Variants in CDH13 observed in about 807,000 individuals in gnomAD.
CDH13 encodes cadherin 13.
Under a neutral mutation model 63.8 loss-of-function variants are expected in CDH13, and 24 were observed. That is an observed-to-expected ratio of 0.38 (90% CI 0.27 to 0.53). CDH13 has a LOEUF of 0.53. CDH13 is among the 20% of genes least tolerant of loss of function. CDH13 has a pLI of 0.85. For synonymous variants in CDH13, 503 were observed against 355.3 expected, an observed-to-expected ratio of 1.42 and a Z score of -4.67; for missense variants, 1,049 against 903.1, an observed-to-expected ratio of 1.16 and a Z score of -2.07.
rs548539310 is a variant in CDH13 at position 83,258,397 on chromosome 16, C to A, written c.636+40900C>A. On this transcript the variant is annotated intron_variant, in intron 5 of 13. Coordinates refer to ENST00000567109, the MANE Select transcript of CDH13 (RefSeq NM_001257.5). ...TAATGTATGCAATAAAAATTAGACTCAAAGATATCTAGTGATGTTTAGCCA... is the reference window on the plus strand; with the variant it reads ...TAATGTATGCAATAAAAATTAGACTAAAAGATATCTAGTGATGTTTAGCCA... Among the ~76,000 whole-genome samples, 24 of 152,256 alleles carry A rather than the reference C, an allele frequency of 1.6e-4. No homozygotes were observed. The South Asian group carries it at 5.0e-3, about 32-fold the overall frequency.
chr16:83,055,322 A>G (rs1481015564), intron 3 of CDH13, among the ~76,000 whole-genome samples: 1 of 151,960 alleles, frequency 6.6e-6, no homozygotes, highest in Admixed American at 6.6e-5. Flanking sequence ...ATAAGTCAAT[A>G]AAGTTTGTTC....
At chr16:83,782,426 G>A (rs1915590267) in intron 12 of CDH13, among the ~76,000 whole-genome samples, 1 of 147,292 alleles carries the variant, frequency 6.8e-6, no homozygotes, top group East Asian at 2.0e-4. Flanking sequence ...GCTGTGGACA[G>A]AGGATTGATC....
At chr16:83,074,518 T>G (rs889868459) in intron 3 of CDH13, among the ~76,000 whole-genome samples, 14 of 152,182 alleles carry the variant, frequency 9.2e-5, no homozygotes, top group African/African-American at 3.4e-4. Flanking sequence ...TACCAAGTAG[T>G]GGGATTGCTG....
chr16:83,141,731 T>C (rs939316712), intron 4 of CDH13, among the ~76,000 whole-genome samples: 2 of 152,200 alleles, frequency 1.3e-5, no homozygotes, highest in Non-Finnish European at 2.9e-5. Flanking sequence ...TGTGTTCTCA[T>C]TGTTCAGCTC....
chr16:82,873,131 C>A (rs140911184), intron 2 of CDH13, among the ~76,000 whole-genome samples: 1 of 152,170 alleles, frequency 6.6e-6, no homozygotes, highest in East Asian at 1.9e-4. Context: ...TGAGAAGAAT[C>A]CAGTGAGGTA....
At chr16:82,877,939 A>ACACG (rs949091602) in intron 2 of CDH13, among the ~76,000 whole-genome samples, 4 of 137,688 alleles carry the variant, frequency 2.9e-5, no homozygotes, top group Admixed American at 8.3e-5. Flanking sequence ...ACACACACAC[A>ACACG]CACACACACA....
chr16:82,804,424 T>C (rs1027842047), intron 1 of CDH13, among the ~76,000 whole-genome samples: 2 of 152,052 alleles, frequency 1.3e-5, no homozygotes, highest in Non-Finnish European at 2.9e-5. Context: ...ATAAAACATA[T>C]CAAATTGTAT....
At chr16:83,414,325 C>T (rs12919362) in intron 6 of CDH13, among the ~76,000 whole-genome samples, 40,161 of 152,082 alleles carry the variant, frequency 0.26, 5,538 homozygotes, top group African/African-American at 0.31. Context: ...GCAATTTAAT[C>T]TTTTAAAGTA....
At chr16:83,553,908 G>A (rs1453646787) in intron 7 of CDH13, among the ~76,000 whole-genome samples, 2 of 152,174 alleles carry the variant, frequency 1.3e-5, no homozygotes, top group South Asian at 2.1e-4. Flanking sequence ...TTTACATACT[G>A]TTGTTTACTT....
intron 5 of CDH13, among the ~76,000 whole-genome samples, chr16:83,232,209 C>CT (rs1555516431): frequency 0.024 from 1,639 of 68,818 alleles, 76 homozygotes; most frequent in African/African-American, 0.098. Context: ...AAAGTGTTTT[C>CT]TTTTTTTTTT....
chr16:83,587,428 T>A (rs147753046), intron 7 of CDH13, among the ~76,000 whole-genome samples: 1 of 152,324 alleles, frequency 6.6e-6, no homozygotes, highest in East Asian at 1.9e-4. Context: ...TGAGCTCCTG[T>A]GCTTCTGTCA....
intron 4 of CDH13, among the ~76,000 whole-genome samples, chr16:83,172,767 G>C (rs2037976525): frequency 6.6e-6 from 1 of 151,896 alleles, no homozygotes; most frequent in Non-Finnish European, 1.5e-5. Flanking sequence ...CAACATAGTA[G>C]ATAAAAACAA....
chr16:83,622,953 T>C lies in CDH13; in HGVS notation c.1101+20359T>C, dbSNP rs116699395. 9.9e-4 allele frequency among the ~76,000 whole-genome samples: 151 copies of C among 152,248 alleles called. 1 individual carries two copies. Among genetic ancestry groups the C allele is most frequent in the African/African-American group, 3.4e-3 (140 of 41,540 alleles). ...TGAGGCTTAGCAGGGAGGACAGGTA[T>C]AAAAATAGTACAAGGGTGAATCTTA... On this transcript the variant is annotated intron_variant, in intron 8 of 13. Transcript: ENST00000567109.
At chr16:82,779,290 G>A (rs984354993) in intron 1 of CDH13, among the ~76,000 whole-genome samples, 5 of 152,102 alleles carry the variant, frequency 3.3e-5, no homozygotes, top group Non-Finnish European at 5.9e-5. Flanking sequence ...CAGATAGTAG[G>A]CAGTCCAGCT....
At chr16:83,412,535 C>G (rs2092142868) in intron 6 of CDH13, among the ~76,000 whole-genome samples, 4 of 152,142 alleles carry the variant, frequency 2.6e-5, no homozygotes, top group Admixed American at 6.5e-5. Flanking sequence ...CAGGCATAAG[C>G]CCCCACCTTA....
chr16:83,391,458 C>A (rs1287999795), intron 6 of CDH13, among the ~76,000 whole-genome samples: 1 of 152,164 alleles, frequency 6.6e-6, no homozygotes, highest in Non-Finnish European at 1.5e-5. Context: ...CCCGCCTCAG[C>A]CTCCCAAAGT....
intron 11 of CDH13, among the ~76,000 whole-genome samples, chr16:83,777,272 G>T (rs373947807): frequency 2.4e-4 from 37 of 152,286 alleles, no homozygotes; most frequent in African/African-American, 8.2e-4. Context: ...TGTAGAATTG[G>T]TACAGGTCCC....
intron 6 of CDH13, among the ~76,000 whole-genome samples, chr16:83,426,171 G>C (rs972689413): frequency 1.3e-5 from 2 of 152,002 alleles, no homozygotes; most frequent in African/African-American, 4.8e-5. Context: ...CATGCCATCT[G>C]ATTAATCACA....
At chr16:83,208,332 G>A in intron 4 of CDH13, among the ~76,000 whole-genome samples, 1 of 152,186 alleles carries the variant, frequency 6.6e-6, no homozygotes, top group Non-Finnish European at 1.5e-5. Flanking sequence ...CTGCTGAATG[G>A]CTGTGTCTTC....
Sources: gnomAD v4.1 joint callset for allele counts (sites outside exome capture counted in the v4.1 genomes callset) on GRCh38, gnomAD v4.1.1 for gene constraint, MANE v1.5 for transcripts, NCBI Gene and HGNC (gene_info 2026-07-23, HGNC 2026-07-21) for gene names.